The following NRCAM variants were observed in gnomAD, a reference collection of about 807,000 sequenced individuals.
NRCAM encodes the protein NgCAM-related cell adhesion molecule.
NRCAM carries 83 observed loss-of-function variants against 156.5 expected under a neutral mutation model. The ratio of observed to expected loss-of-function variants is 0.53; its 90% confidence interval spans 0.44 to 0.64. The LOEUF is 0.64. Among genes scored for constraint, NRCAM ranks in the 30% least tolerant of loss-of-function variants. The probability of loss-of-function intolerance (pLI) is 0.00; values close to 1 mark genes in which losing one functional copy is unlikely to be tolerated. For synonymous variants in NRCAM, 538 were observed against 563.9 expected, an observed-to-expected ratio of 0.95 and a Z score of 0.65; for missense variants, 1,417 against 1,597.3, an observed-to-expected ratio of 0.89 and a Z score of 1.92.
At chr7:108,417,096 T>C (rs1802498049) in intron 1 of NRCAM, among the ~76,000 whole-genome samples, 1 of 152,242 alleles carries the variant, frequency 6.6e-6, no homozygotes, top group Non-Finnish European at 1.5e-5. Flanking sequence ...TGTCTCATGA[T>C]TCTCTGCTTT....
chr7:108,395,702 T>C (rs1250558755), intron 2 of NRCAM, among the ~76,000 whole-genome samples: 1 of 152,168 alleles, frequency 6.6e-6, no homozygotes, highest in Non-Finnish European at 1.5e-5. Flanking sequence ...TGTTCCAAAC[T>C]CTGAATACTT....
chr7:108,190,404 C>T (rs908334250), intron 19 of NRCAM, among the ~76,000 whole-genome samples: 1 of 152,132 alleles, frequency 6.6e-6, no homozygotes, highest in South Asian at 2.1e-4. Flanking sequence ...CTGTTCCCCC[C>T]AGGCCTTTAT....
At chr7:108,153,116 A>C (rs2042729755) in intron 32 of NRCAM, among the ~76,000 whole-genome samples, 1 of 152,172 alleles carries the variant, frequency 6.6e-6, no homozygotes, top group East Asian at 1.9e-4. Context: ...TATAACATTG[A>C]TATCCAAAAC....
rs189393318 is a variant in NRCAM, at chr7:108,253,496, G to A, written c.-106-13326C>T. On this transcript the variant is annotated intron_variant, in intron 3 of 32. Transcript: ENST00000379028. ...GTGTTTCTGGCAAGTGCCCAGAAGGGGATGAAGGATACTAAGTGAGGGTGA... is the reference window on the plus strand; with the variant it reads ...GTGTTTCTGGCAAGTGCCCAGAAGGAGATGAAGGATACTAAGTGAGGGTGA... Among the ~76,000 whole-genome samples, 41 of 152,290 alleles carry A rather than the reference G, an allele frequency of 2.7e-4. No individual in the cohort carries two copies. The East Asian group carries it at 7.7e-3, about 29-fold the overall frequency.
intron 3 of NRCAM, 68 bp from the exon 4 acceptor site, chr7:108,240,238 C>T (rs1271617443): frequency 3.8e-6 from 2 of 519,996 alleles, no homozygotes; most frequent in Non-Finnish European, 6.9e-6. Flanking sequence ...GAGCGGAAGT[C>T]TGCAGCACAG....
At chr7:108,413,410 A>G (rs1797786615) in intron 1 of NRCAM, among the ~76,000 whole-genome samples, 1 of 152,044 alleles carries the variant, frequency 6.6e-6, no homozygotes, top group South Asian at 2.1e-4. Context: ...TCAGTTCCTT[A>G]TATATTTTGG....
chr7:108,176,810 TATC>T (rs1406165631), intron 26 of NRCAM: 10 of 438,994 alleles, frequency 2.3e-5, no homozygotes, highest in African/African-American at 1.8e-4. Context: ...TATCATATCA[TATC>T]ATATATCACA....
chr7:108,372,608 T>A (rs531123033), intron 2 of NRCAM, among the ~76,000 whole-genome samples: 35 of 152,110 alleles, frequency 2.3e-4, no homozygotes, highest in Non-Finnish European at 4.3e-4. Context: ...AAGTTCAACA[T>A]CATTAGTCAT....
intron 2 of NRCAM, among the ~76,000 whole-genome samples, chr7:108,363,227 A>G (rs149287529): frequency 0.014 from 2,143 of 152,312 alleles, 25 homozygotes; most frequent in Middle Eastern, 0.024. Context: ...AAGAATTTCA[A>G]ATAATTTATG....
intron 2 of NRCAM, among the ~76,000 whole-genome samples, chr7:108,398,952 G>A (rs2099784359): frequency 6.6e-6 from 1 of 152,142 alleles, no homozygotes. Context: ...TATTTCTGAG[G>A]ATTATAAATG....
chr7:108,326,849 G>A (rs975024317), intron 2 of NRCAM, among the ~76,000 whole-genome samples: 1 of 152,148 alleles, frequency 6.6e-6, no homozygotes, highest in Non-Finnish European at 1.5e-5. Context: ...AGAGACCAGG[G>A]ACAAGAGAAA....
chr7:108,402,360 T>G (rs1044867645), intron 1 of NRCAM, among the ~76,000 whole-genome samples: 3 of 152,360 alleles, frequency 2.0e-5, no homozygotes, highest in Admixed American at 1.3e-4. Flanking sequence ...AAATATATTT[T>G]AAGAGGCTAA....
rs1276686313 is a variant in NRCAM, at chr7:108,184,603, CGAT to C, written c.2044_2046del (p.Ile682del). On this transcript the variant is annotated inframe_deletion, in exon 21 of 33. Transcript: ENST00000379028. ...GGCTTGTGCATTGCATCTTCATATT[CGAT>C]GATGAATTCTGGTCACGACACACAC... The C allele has an allele frequency of 6.2e-7, 1 of 1,612,274 alleles. No individual in the cohort carries two copies. The highest frequency in any genetic ancestry group is 8.5e-7 in the Non-Finnish European group (1 of 1,179,810).
At position 108,264,449 on chromosome 7, in the gene NRCAM, A is replaced by C. The variant is rs960315574; in HGVS notation, c.-106-24279T>G. Among the ~76,000 whole-genome samples the C allele has an allele frequency of 3.3e-5, 5 of 152,262 alleles. No homozygotes were observed. In the South Asian group the frequency reaches 1.0e-3, roughly 31 times the overall value. On this transcript the variant is annotated intron_variant, in intron 3 of 32. Transcript: ENST00000379028. ...GCACAACTGGGACTATGGGGAAATC[A>C]CAAGGACCTTAAGGTCTTGGGTCTC...
intron 2 of NRCAM, among the ~76,000 whole-genome samples, chr7:108,358,151 T>A (rs2099519782): frequency 6.6e-6 from 1 of 151,456 alleles, no homozygotes; most frequent in African/African-American, 2.4e-5. Flanking sequence ...CTCACACCTG[T>A]ATTTCCAGTA....
At chr7:108,181,973 T>A in intron 23 of NRCAM, 36 bp from the exon 24 acceptor site, 1 of 1,490,806 alleles carries the variant, frequency 6.7e-7, no homozygotes, top group Non-Finnish European at 9.3e-7. Context: ...GAAGTATCAA[T>A]GTTATTTTTA....
chr7:108,205,332 G>C (rs773177121), intron 13 of NRCAM, among the ~76,000 whole-genome samples: 15 of 152,178 alleles, frequency 9.9e-5, no homozygotes, highest in Non-Finnish European at 1.8e-4. Flanking sequence ...TATTTCTGTT[G>C]TTTATAAATT....
chr7:108,177,437 CATGGTGAA>C (rs576209676), intron 26 of NRCAM, among the ~76,000 whole-genome samples: 1 of 152,168 alleles, frequency 6.6e-6, no homozygotes, highest in Admixed American at 6.5e-5. Context: ...TCCTGGCTAA[CATGGTGAA>C]ACCCCGTCTC....
chr7:108,420,276 C>T (rs1279526318), intron 1 of NRCAM, among the ~76,000 whole-genome samples: 2 of 152,098 alleles, frequency 1.3e-5, no homozygotes, highest in African/African-American at 4.8e-5. Flanking sequence ...TTCAGACACA[C>T]ACAAATCCTT....
Sources: gnomAD v4.1 joint callset for allele counts (sites outside exome capture counted in the v4.1 genomes callset) on GRCh38, gnomAD v4.1.1 for gene constraint, MANE v1.5 for transcripts, NCBI Gene and HGNC (gene_info 2026-07-23, HGNC 2026-07-21) for gene names.